NRG1: variants seen among roughly 807,000 people sequenced by gnomAD.
The protein encoded by NRG1 is neuregulin 1, also known as pro-neuregulin-1, membrane-bound isoform.
NRG1 carries 18 observed loss-of-function variants against 63.8 expected under a neutral mutation model. The ratio of observed to expected loss-of-function variants is 0.28; its 90% CI spans 0.19 to 0.42. The LOEUF (loss-of-function observed/expected upper bound fraction) is 0.42, where lower values mean the gene tolerates loss of function less well. NRG1 is among the 10% of genes least tolerant of loss of function. The pLI is 1.00. For missense variants in NRG1, 762 were observed against 814.7 expected (o/e 0.94, Z 0.79); for synonymous variants, 302 against 301.3 (o/e 1.00, Z -0.02).
intron 1 of NRG1, among the ~76,000 whole-genome samples, chr8:31,682,666 G>A (rs1401192995): frequency 1.3e-5 from 2 of 151,862 alleles, no homozygotes; most frequent in African/African-American, 4.8e-5. Flanking sequence ...AAATTCGAGT[G>A]TTGTTTTCTC....
chr8:31,722,285 C>T (rs1325037519), intron 1 of NRG1, among the ~76,000 whole-genome samples: 1 of 152,074 alleles, frequency 6.6e-6, no homozygotes, highest in Admixed American at 6.6e-5. Flanking sequence ...TCTCTATCCT[C>T]TTCCTCTTCA....
chr8:32,619,155 A>G (rs1847887520), intron 5 of NRG1, among the ~76,000 whole-genome samples: 1 of 152,160 alleles, frequency 6.6e-6, no homozygotes, highest in Non-Finnish European at 1.5e-5. Context: ...TTGAGGCTGC[A>G]GTGAGCTGTG....
intron 5 of NRG1, among the ~76,000 whole-genome samples, chr8:32,698,508 G>T (rs1813963587): frequency 6.6e-6 from 1 of 152,192 alleles, no homozygotes; most frequent in Non-Finnish European, 1.5e-5. Context: ...TGTTTCAATA[G>T]CAGACATACC....
chr8:31,671,965 A>G (rs1807200164), intron 1 of NRG1, among the ~76,000 whole-genome samples: 1 of 152,198 alleles, frequency 6.6e-6, no homozygotes, highest in South Asian at 2.1e-4. Flanking sequence ...AGAGAGAAGA[A>G]GGATTAAGAT....
At chr8:32,593,680 C>T (rs1170159103) in intron 1 of NRG1, among the ~76,000 whole-genome samples, 1 of 151,658 alleles carries the variant, frequency 6.6e-6, no homozygotes, top group Admixed American at 6.6e-5. Context: ...AATCCCTTCA[C>T]CAGGCTCACA....
chr8:32,427,884 C>T lies in NRG1; in HGVS notation c.38-167944C>T, dbSNP rs532509867. ...ACAGGGGCGGTTTCAACCCTGCAAACGTTTTCTTCCAAGTTGCTCTGTATT... is the reference window on the plus strand; with the variant it reads ...ACAGGGGCGGTTTCAACCCTGCAAATGTTTTCTTCCAAGTTGCTCTGTATT... On this transcript the variant is annotated intron_variant, in intron 1 of 10. Transcript: ENST00000519301. 3.9e-5 allele frequency among the ~76,000 whole-genome samples: 6 copies of T among 152,228 alleles called. No homozygotes were observed. The East Asian group carries it at 7.7e-4, about 20-fold the overall frequency.
At chr8:32,510,184 G>A (rs1829009943) in intron 1 of NRG1, among the ~76,000 whole-genome samples, 1 of 151,160 alleles carries the variant, frequency 6.6e-6, no homozygotes, top group South Asian at 2.1e-4. Flanking sequence ...AAAGAAAAAA[G>A]AAAGAAAAGA....
intron 1 of NRG1, among the ~76,000 whole-genome samples, chr8:32,507,322 G>A (rs1343675227): frequency 6.6e-6 from 1 of 152,204 alleles, no homozygotes; most frequent in African/African-American, 2.4e-5. Context: ...ATGTTTTGAA[G>A]TAGCAGAATA....
intron 1 of NRG1, among the ~76,000 whole-genome samples, chr8:32,438,126 A>G (rs1819021191): frequency 6.6e-6 from 1 of 152,202 alleles, no homozygotes; most frequent in Non-Finnish European, 1.5e-5. Context: ...ATCAAGATAC[A>G]GAACATTTTC....
At chr8:32,284,896 G>C (rs995515456) in intron 1 of NRG1, among the ~76,000 whole-genome samples, 5 of 152,066 alleles carry the variant, frequency 3.3e-5, no homozygotes, top group Admixed American at 6.6e-5. Flanking sequence ...TGAGCTTCCC[G>C]TCACTCTCTG....
At position 32,111,372 on chromosome 8, in the gene NRG1, C is replaced by T. The variant is rs77646324; in HGVS notation, c.37+471941C>T. ...CCTCAAGTGATGAGCTTACCTTGGC[C>T]TCCCAAAGTGCTGGGATTACAGGCA... On this transcript the variant is annotated intron_variant, in intron 1 of 10. Transcript: ENST00000519301. Among the ~76,000 whole-genome samples the T allele has an allele frequency of 2.6e-5, 4 of 152,134 alleles. No individual in the cohort carries two copies. In the East Asian group the frequency reaches 7.7e-4, roughly 29 times the overall value.
intron 1 of NRG1, among the ~76,000 whole-genome samples, chr8:32,193,011 G>C (rs1230755787): frequency 1.3e-5 from 2 of 151,938 alleles, no homozygotes; most frequent in African/African-American, 2.4e-5. Context: ...ATGTTTCCTA[G>C]GTACCTAGAT....
At chr8:32,557,234 C>T (rs755843167) in intron 1 of NRG1, among the ~76,000 whole-genome samples, 1 of 152,110 alleles carries the variant, frequency 6.6e-6, no homozygotes, top group Non-Finnish European at 1.5e-5. Context: ...GTCTCGATCT[C>T]CTGACCTTGT....
At chr8:31,897,809 G>C (rs1170839155) in intron 1 of NRG1, among the ~76,000 whole-genome samples, 1 of 151,726 alleles carries the variant, frequency 6.6e-6, no homozygotes, top group African/African-American at 2.4e-5. Flanking sequence ...GAGGTCAGGA[G>C]TTCGAGACAA....
At chr8:32,741,646 C>T (rs995301915) in intron 6 of NRG1, among the ~76,000 whole-genome samples, 5 of 152,028 alleles carry the variant, frequency 3.3e-5, no homozygotes, top group Non-Finnish European at 1.5e-5. Flanking sequence ...ATCATGTTAG[C>T]GCTTATCAAA....
intron 1 of NRG1, among the ~76,000 whole-genome samples, chr8:31,843,072 T>G (rs1258022723): frequency 6.6e-6 from 1 of 152,184 alleles, no homozygotes; most frequent in Non-Finnish European, 1.5e-5. Context: ...GAATTCAGAA[T>G]TAGAACTTGG....
chr8:31,894,546 C>CTTTTTTTTTTT (rs370312165), intron 1 of NRG1, among the ~76,000 whole-genome samples: 41 of 98,058 alleles, frequency 4.2e-4, no homozygotes, highest in African/African-American at 9.6e-4. Flanking sequence ...CTATTTCTTT[C>CTTTTTTTTTTT]TTTTTTCTTT....
chr8:31,840,111 A>G (rs1826048202), intron 1 of NRG1, among the ~76,000 whole-genome samples: 1 of 152,220 alleles, frequency 6.6e-6, no homozygotes, highest in African/African-American at 2.4e-5. Flanking sequence ...GACTGTACAA[A>G]TGGAGTAACA....
chr8:32,557,215 G>A (rs1396843626), intron 1 of NRG1, among the ~76,000 whole-genome samples: 1 of 152,080 alleles, frequency 6.6e-6, no homozygotes, highest in Non-Finnish European at 1.5e-5. Context: ...CACTGTGTTA[G>A]CCAGGATGGT....
Sources: gnomAD v4.1 joint callset for allele counts (sites outside exome capture counted in the v4.1 genomes callset) on GRCh38, gnomAD v4.1.1 for gene constraint, MANE v1.5 for transcripts, NCBI Gene and HGNC (gene_info 2026-07-23, HGNC 2026-07-21) for gene names.